TSPAN11: variants seen among roughly 807,000 people sequenced by gnomAD.
TSPAN11 encodes the protein tetraspanin-11.
In TSPAN11, 29 loss-of-function variants were observed where a neutral mutation model predicts 32.9. That is an observed-to-expected ratio of 0.88 (90% confidence interval 0.66 to 1.20). The LOEUF (loss-of-function observed/expected upper bound fraction) is 1.20, where lower values mean the gene tolerates loss of function less well. Among genes scored for constraint, TSPAN11 ranks in the 50% most tolerant of loss-of-function variants. The pLI is 0.00. For missense variants in TSPAN11, 283 were observed against 329.1 expected (o/e 0.86, Z 1.08); for synonymous variants, 140 against 141.3 (o/e 0.99, Z 0.07).
intron 7 of TSPAN11, among the ~76,000 whole-genome samples, chr12:30,990,905 T>A (rs1173787239): frequency 6.6e-6 from 1 of 151,978 alleles, no homozygotes; most frequent in Non-Finnish European, 1.5e-5. Flanking sequence ...AGAGCCAAGA[T>A]CCAACAACAT....
the TSPAN11 span, among the ~76,000 whole-genome samples, chr12:31,007,460 C>G: frequency 2.0e-5 from 3 of 152,052 alleles, no homozygotes; most frequent in Non-Finnish European, 4.4e-5. Context: ...GTCGTCTGCC[C>G]TACCTGCCCC....
Position 30,994,064 on chromosome 12 carries a change from T to C in TSPAN11, c.*2149T>C, listed in dbSNP as rs1324444038. ...TCCAGCCAGACTGCCTCTTGAAAGATGGCTTGTCCAAGCGGCAGACAGTGG... is the reference window on the plus strand; with the variant it reads ...TCCAGCCAGACTGCCTCTTGAAAGACGGCTTGTCCAAGCGGCAGACAGTGG... On this transcript the variant is annotated 3_prime_UTR_variant, in exon 8 of 8. Coordinates refer to ENST00000546076, the MANE Select transcript of TSPAN11 (RefSeq NM_001370302.1). 1 of 152,260 alleles carries C rather than the reference T, an allele frequency of 6.6e-6. No individual in the cohort carries two copies. The highest frequency in any genetic ancestry group is 1.5e-5 in the Non-Finnish European group (1 of 68,058). 9.4% of individuals were successfully genotyped at this position (152,260 alleles called of 1,614,324 possible). A position where few individuals can be genotyped will look rare whatever the true frequency, so the allele number is the denominator to read the frequency against.
chr12:30,934,489 C>G (rs979853483), intron 1 of TSPAN11, among the ~76,000 whole-genome samples: 1 of 152,198 alleles, frequency 6.6e-6, no homozygotes, highest in East Asian at 1.9e-4. Context: ...GCTTAACACA[C>G]CCCTTCAACA....
At chr12:30,942,446 GT>G (rs1938185675) in intron 1 of TSPAN11, among the ~76,000 whole-genome samples, 1 of 152,142 alleles carries the variant, frequency 6.6e-6, no homozygotes, top group Non-Finnish European at 1.5e-5. Flanking sequence ...GCTATTTTCT[GT>G]TTGCTTCATC....
At chr12:31,015,726 C>T in the TSPAN11 span, 2 of 152,226 alleles carry the variant, frequency 1.3e-5, no homozygotes, top group Non-Finnish European at 2.9e-5. The surrounding 1 kb of genome is among the most constrained non-coding windows in gnomAD (Gnocchi z 4.9). Context: ...CTCCTCCATC[C>T]TACCTGCGAT....
At chr12:30,962,386 A>C (rs901400902) in intron 2 of TSPAN11, among the ~76,000 whole-genome samples, 1 of 152,170 alleles carries the variant, frequency 6.6e-6, no homozygotes, top group African/African-American at 2.4e-5. Flanking sequence ...ATGGGGTTGA[A>C]TCTCAATTCT....
the TSPAN11 span, chr12:31,005,788 A>C: frequency 1.6e-5 from 3 of 187,294 alleles, no homozygotes; most frequent in East Asian, 4.2e-4. Context: ...CACACGTCCT[A>C]CTTCTTACCA....
At chr12:30,935,524 C>T (rs1049280054) in intron 1 of TSPAN11, among the ~76,000 whole-genome samples, 1 of 151,998 alleles carries the variant, frequency 6.6e-6, no homozygotes, top group Non-Finnish European at 1.5e-5. Context: ...GCTGGGATTA[C>T]AGGCACCCAC....
At position 30,975,845 on chromosome 12, in the gene TSPAN11, C is replaced by T. The variant is rs749577304; in HGVS notation, c.277-2716C>T. 1.3e-5 allele frequency among the ~76,000 whole-genome samples: 2 copies of T among 152,150 alleles called. No individual in the cohort carries two copies. Among genetic ancestry groups the T allele is most frequent in the Non-Finnish European group, 2.9e-5 (2 of 68,028 alleles). On this transcript the variant is annotated intron_variant, in intron 3 of 7. Transcript: ENST00000546076. This position sits in a 1 kb window ranked among gnomAD's most constrained non-coding sequence, Gnocchi z 4.5. ...AGCCTGGGTGCTCCTGTCAGGGGCA[C>T]TCCATCACCTCTTCCTCCCATGCCC... is the stretch of plus-strand genomic sequence containing the variant.
At position 30,991,962 on chromosome 12, in the gene TSPAN11, C is replaced by G. The variant is rs1565806643; in HGVS notation, c.*47C>G. On this transcript the variant is annotated 3_prime_UTR_variant, in exon 8 of 8. Coordinates refer to ENST00000546076, the MANE Select transcript of TSPAN11 (RefSeq NM_001370302.1). ...AACTGCCCCTCAAGACAACATGTGG[C>G]CACATGCCATCTGCAAGGCCTGCAG... The G allele has an allele frequency of 5.0e-6, 8 of 1,606,854 alleles. No individual in the cohort carries two copies. The highest frequency in any genetic ancestry group is 6.8e-6 in the Non-Finnish European group (8 of 1,173,486).
rs574306519 is a variant in TSPAN11, at chr12:30,990,031, G to A, written c.703-1825G>A. ...CCCCTGTTGGCTGCTGGAGCCATCC[G>A]TGCTGGTTTCTCAGTGTCCTCTGTC... On this transcript the variant is annotated intron_variant, in intron 7 of 7. Coordinates refer to ENST00000546076, the MANE Select transcript of TSPAN11 (RefSeq NM_001370302.1). Among the ~76,000 whole-genome samples the A allele has an allele frequency of 1.9e-4, 29 of 152,346 alleles. 1 individual carries two copies. The South Asian group carries it at 5.6e-3, about 29-fold the overall frequency.
At chr12:30,977,886 T>A (rs908934947) in intron 3 of TSPAN11, among the ~76,000 whole-genome samples, 1 of 152,168 alleles carries the variant, frequency 6.6e-6, no homozygotes, top group Non-Finnish European at 1.5e-5. Context: ...GAAATGGGCA[T>A]CAGGGCTGAA....
chr12:31,003,639 C>A, the TSPAN11 span, among the ~76,000 whole-genome samples: 1 of 152,216 alleles, frequency 6.6e-6, no homozygotes, highest in Admixed American at 6.5e-5. Flanking sequence ...ACACATGATG[C>A]TCCAGGTCCC....
At chr12:30,948,585 C>G (rs1265313290) in intron 1 of TSPAN11, among the ~76,000 whole-genome samples, 2 of 152,184 alleles carry the variant, frequency 1.3e-5, no homozygotes, top group East Asian at 3.9e-4. Flanking sequence ...CTTTTAGTTA[C>G]AGCTGGAGCA....
intron 1 of TSPAN11, among the ~76,000 whole-genome samples, chr12:30,946,575 C>G (rs1357908091): frequency 2.6e-5 from 4 of 152,164 alleles, no homozygotes; most frequent in Non-Finnish European, 5.9e-5. Context: ...TGAAAAGGAC[C>G]CAGATCACTT....
the TSPAN11 span, among the ~76,000 whole-genome samples, chr12:31,002,180 G>A: frequency 6.6e-6 from 1 of 152,120 alleles, no homozygotes; most frequent in Non-Finnish European, 1.5e-5. This position sits in a 1 kb window ranked among gnomAD's most constrained non-coding sequence, Gnocchi z 4.8. Context: ...TTCAGACACA[G>A]AGTGGTCTCT....
chr12:30,968,261 GGATCGGGAGTA>G (rs1277914185), intron 3 of TSPAN11, among the ~76,000 whole-genome samples: 2 of 152,220 alleles, frequency 1.3e-5, no homozygotes, highest in Middle Eastern at 3.2e-3. Flanking sequence ...CAACTACCTT[GGATCGGGAGTA>G]GCAGGGGAGG....
chr12:30,946,479 G>A (rs1002114204), intron 1 of TSPAN11, among the ~76,000 whole-genome samples: 5 of 152,192 alleles, frequency 3.3e-5, no homozygotes, highest in East Asian at 1.9e-4. Context: ...TGACTGCACT[G>A]TGTGGTTCAG....
At chr12:30,950,723 C>T (rs1280607964) in intron 1 of TSPAN11, among the ~76,000 whole-genome samples, 1 of 152,148 alleles carries the variant, frequency 6.6e-6, no homozygotes, top group Non-Finnish European at 1.5e-5. Context: ...AACTTATTGA[C>T]CTGCCCTTTT....
Sources: gnomAD v4.1 joint callset for allele counts (sites outside exome capture counted in the v4.1 genomes callset) on GRCh38, gnomAD v4.1.1 for gene constraint, Gnocchi (gnomAD v3.1) non-coding constraint, MANE v1.5 for transcripts, NCBI Gene and HGNC (gene_info 2026-07-23, HGNC 2026-07-21) for gene names.